Variants in FMO5 observed in about 807,000 individuals in gnomAD.
The protein encoded by FMO5 is flavin-containing monooxygenase 5.
In FMO5, 51 loss-of-function variants were observed where a neutral mutation model predicts 43.6. The ratio of observed to expected loss-of-function variants is 1.17; its 90% CI spans 0.93 to 1.48. The LOEUF is 1.48. FMO5 is among the 40% of genes most tolerant of loss of function. The probability of loss-of-function intolerance (pLI) is 0.00; values close to 1 mark genes in which losing one functional copy is unlikely to be tolerated. For missense variants in FMO5, 644 were observed against 643.0 expected (o/e 1.00, Z -0.02); for synonymous variants, 187 against 216.5 (o/e 0.86, Z 1.20).
intron 7 of FMO5, among the ~76,000 whole-genome samples, chr1:147,194,023 CT>C (rs1406887273): frequency 3.9e-5 from 6 of 152,098 alleles, no homozygotes; most frequent in African/African-American, 1.5e-4. Flanking sequence ...TCTATTAGGT[CT>C]GCTTGGTGCA....
chr1:147,203,445 C>G, intron 6 of FMO5: 1 of 838,800 alleles, frequency 1.2e-6, no homozygotes, highest in Non-Finnish European at 2.1e-6. Context: ...CAGCTTCCAA[C>G]ATGTCCGTTA....
Position 147,198,850 on chromosome 1 carries a change from CAAAAAAAA to C in FMO5, c.1183+2294_1183+2301del, listed in dbSNP as rs151035141. 3.9e-3 allele frequency among the ~76,000 whole-genome samples: 203 copies of C among 51,782 alleles called. 2 individuals carry two copies. In the Middle Eastern group the frequency reaches 0.11, roughly 29 times the overall value. The allele number at this position is 51,782 out of a possible 152,430, so 34.0% of individuals were successfully genotyped here. On this transcript the variant is annotated intron_variant, in intron 7 of 8. Coordinates refer to ENST00000254090, the MANE Select transcript of FMO5 (RefSeq NM_001461.4). ...TGGGCGACAGAGCGAGACTGCATCT[CAAAAAAAA>C]AAAAAAAAAAAAAAAAAGAAAGAAA...
At chr1:147,217,070 G>T (rs1327828823) in intron 2 of FMO5, among the ~76,000 whole-genome samples, 1 of 151,024 alleles carries the variant, frequency 6.6e-6, no homozygotes, top group Non-Finnish European at 1.5e-5. Context: ...GAGAAACCCT[G>T]TCTCTACTAA....
downstream of FMO5, among the ~76,000 whole-genome samples, chr1:147,185,765 T>G (rs1553916880): frequency 6.6e-6 from 1 of 152,220 alleles, no homozygotes; most frequent in East Asian, 1.9e-4. Flanking sequence ...GCCTGACAGC[T>G]GACACTTAGT....
intron 2 of FMO5, among the ~76,000 whole-genome samples, chr1:147,220,127 C>T (rs6593747): frequency 0.093 from 14,087 of 152,154 alleles, 737 homozygotes; most frequent in African/African-American, 0.15. Context: ...CATGAGCCAT[C>T]GCACCCAGTC....
intron 7 of FMO5, among the ~76,000 whole-genome samples, chr1:147,193,036 G>A (rs587650300): frequency 3.9e-4 from 59 of 152,248 alleles, no homozygotes; most frequent in African/African-American, 1.1e-3. Context: ...AATGAGTTAG[G>A]GAAGATTCCT....
At chr1:147,205,953 A>G (rs1362308265) in intron 6 of FMO5, among the ~76,000 whole-genome samples, 1 of 152,206 alleles carries the variant, frequency 6.6e-6, no homozygotes, top group Admixed American at 6.5e-5. Context: ...GCACAGCAAA[A>G]GAAACTACCA....
At chr1:147,189,552 TA>T (rs1297244482) in intron 8 of FMO5, among the ~76,000 whole-genome samples, 1 of 152,158 alleles carries the variant, frequency 6.6e-6, no homozygotes, top group Non-Finnish European at 1.5e-5. Context: ...CACAGAAATT[TA>T]GAGACTTACC....
In FMO5 at chr1:147,203,244, C is replaced by T; in HGVS notation, c.831-1740G>A. Reference sequence around the variant, plus strand: ...TCTTAGAATACTACTACAAATACAGCCTTCACCTACAGTAAAAATTAAGCC... The same window carrying T: ...TCTTAGAATACTACTACAAATACAGTCTTCACCTACAGTAAAAATTAAGCC... On this transcript the variant is annotated intron_variant, in intron 6 of 8. Transcript: ENST00000254090. 4 of 1,190,750 alleles carry T rather than the reference C, an allele frequency of 3.4e-6. No individual in the cohort carries two copies. The South Asian group carries it at 5.4e-5, about 16-fold the overall frequency. 73.8% of individuals were successfully genotyped at this position (1,190,750 alleles called of 1,614,324 possible). A position where few individuals can be genotyped will look rare whatever the true frequency, so the allele number is the denominator to read the frequency against.
Position 147,215,839 on chromosome 1 carries a change from G to T in FMO5, c.239C>A (p.Pro80His), listed in dbSNP as rs781824470. 4 of 1,613,494 alleles carry T rather than the reference G, an allele frequency of 2.5e-6. No homozygotes were observed. Among genetic ancestry groups the T allele is most frequent in the Non-Finnish European group, 3.4e-6 (4 of 1,179,616 alleles). Residue 80 changes from proline to histidine, a missense_variant, in exon 3 of 9, where the codon CCC (proline) becomes CAC (histidine). Physicochemically the swap from Pro to His is moderately conservative, Grantham distance 77 (BLOSUM62 -2). Transcript: ENST00000254090. The stretch of plus-strand genomic sequence containing the variant: ...GACCTGGGCATTATGCATGAAGTTG[G>T]GATAATGATCTGGGATTGGATAGTC... ...FSDYPIPDHY[P>H]NFMHNAQVLE...
intron 8 of FMO5, among the ~76,000 whole-genome samples, chr1:147,187,964 C>T (rs779192626): frequency 6.6e-6 from 1 of 151,882 alleles, no homozygotes; most frequent in Non-Finnish European, 1.5e-5. Flanking sequence ...AGAGAAAAGC[C>T]AAGTCAAGCC....
At chr1:147,193,924 C>T (rs1412858436) in intron 7 of FMO5, among the ~76,000 whole-genome samples, 3 of 151,992 alleles carry the variant, frequency 2.0e-5, no homozygotes, top group Non-Finnish European at 4.4e-5. Context: ...GCTTTACTTC[C>T]AACTATGTGA....
chr1:147,216,573 TA>T (rs1164842614), intron 2 of FMO5, among the ~76,000 whole-genome samples: 4 of 152,128 alleles, frequency 2.6e-5, no homozygotes, highest in Non-Finnish European at 5.9e-5. Context: ...CCTAGCCTTT[TA>T]AAAAAATATT....
intron 8 of FMO5, among the ~76,000 whole-genome samples, chr1:147,188,209 T>C (rs1035768778): frequency 6.6e-6 from 1 of 152,164 alleles, no homozygotes. Context: ...ATTTATCCTA[T>C]AATAGTAGGT....
chr1:147,198,659 G>C (rs1250545412), intron 7 of FMO5, among the ~76,000 whole-genome samples: 3 of 151,756 alleles, frequency 2.0e-5, no homozygotes, highest in Non-Finnish European at 4.4e-5. Flanking sequence ...GACCATCCTG[G>C]CTAACATGGT....
intron 7 of FMO5, among the ~76,000 whole-genome samples, chr1:147,191,607 G>A (rs1208872333): frequency 7.3e-5 from 11 of 151,712 alleles, no homozygotes; most frequent in African/African-American, 2.2e-4. Flanking sequence ...TGAGTAGGTT[G>A]TGAAAATTTT....
chr1:147,211,258 A>G (rs1661026992), intron 5 of FMO5: 1 of 152,354 alleles, frequency 6.6e-6, no homozygotes, highest in African/African-American at 2.4e-5. Flanking sequence ...TGACAAGCCA[A>G]TGATATTAAA....
In FMO5 at chr1:147,186,278, A is replaced by AC; in HGVS notation, c.*621_*622insG. The AC allele has an allele frequency of 3.1e-6, 3 of 971,058 alleles. No individual in the cohort carries two copies. The highest frequency in any genetic ancestry group is 3.7e-6 in the Non-Finnish European group (3 of 816,926). 60.2% of individuals were successfully genotyped at this position (971,058 alleles called of 1,614,324 possible). A position where few individuals can be genotyped will look rare whatever the true frequency, so the allele number is the denominator to read the frequency against. On this transcript the variant is annotated 3_prime_UTR_variant, in exon 9 of 9. Coordinates refer to ENST00000254090, the MANE Select transcript of FMO5 (RefSeq NM_001461.4). Reference sequence around the variant, plus strand: ...CTAGAAAGTTGAAAGTAATTTCTTTATTGAGAAAATAAAGACATGGTTCCT... The same window carrying AC: ...CTAGAAAGTTGAAAGTAATTTCTTTACTTGAGAAAATAAAGACATGGTTCCT...
chr1:147,224,848 G>T, intron 2 of FMO5, 47 bp downstream of exon 2: 5 of 1,580,810 alleles, frequency 3.2e-6, no homozygotes, highest in Non-Finnish European at 3.5e-6. Flanking sequence ...TATGCACCTA[G>T]TTGCAGGGAG....
Sources: allele counts gnomAD v4.1 joint callset (sites outside exome capture counted in the v4.1 genomes callset), GRCh38; gene constraint gnomAD v4.1.1; transcripts MANE v1.5; gene names NCBI Gene and HGNC (gene_info 2026-07-23, HGNC 2026-07-21).